SEC23B: variants seen among roughly 807,000 people sequenced by gnomAD.
The protein encoded by SEC23B is protein transport protein Sec23B.
A neutral mutation model predicts 104.3 loss-of-function variants in SEC23B; 77 were observed. The observed-to-expected ratio is 0.74, with a 90% CI of 0.61 to 0.89. SEC23B has a LOEUF of 0.89. SEC23B is among the 40% of genes least tolerant of loss of function. SEC23B has a pLI of 0.00. For missense variants in SEC23B, 885 were observed against 949.4 expected (o/e 0.93, Z 0.89); for synonymous variants, 338 against 332.5 (o/e 1.02, Z -0.18).
intron 4 of SEC23B, among the ~76,000 whole-genome samples, chr20:18,523,525 C>T (rs1016720967): frequency 6.6e-6 from 1 of 151,354 alleles, no homozygotes; most frequent in African/African-American, 2.4e-5. Flanking sequence ...GCCTCAGCCT[C>T]CCAAGTAGCT....
intron 4 of SEC23B, 88 bp downstream of exon 4, chr20:18,515,824 A>T: frequency 1.1e-6 from 1 of 872,568 alleles, no homozygotes. Flanking sequence ...TTACCTGGGC[A>T]GGGGACTTAA....
At chr20:18,555,390 C>T (rs1363584399) in intron 19 of SEC23B, among the ~76,000 whole-genome samples, 1 of 152,022 alleles carries the variant, frequency 6.6e-6, no homozygotes, top group Non-Finnish European at 1.5e-5. Context: ...CCACAATATA[C>T]AGCAGAACAT....
intron 12 of SEC23B, among the ~76,000 whole-genome samples, chr20:18,538,792 A>G (rs1250483367): frequency 1.3e-5 from 2 of 152,172 alleles, no homozygotes; most frequent in Non-Finnish European, 2.9e-5. Context: ...AGTAGATTCC[A>G]TCTCAACAAA....
chr20:18,532,561 A>C (rs765111244), intron 10 of SEC23B, 103 bp from the exon 11 acceptor site: 26 of 869,880 alleles, frequency 3.0e-5, no homozygotes, highest in Non-Finnish European at 5.2e-5. Flanking sequence ...TCTTGGCAGA[A>C]TAGTAGTGTT....
chr20:18,560,374 T>A (rs552055327), intron 19 of SEC23B, among the ~76,000 whole-genome samples: 16 of 152,244 alleles, frequency 1.1e-4, no homozygotes, highest in African/African-American at 3.6e-4. Flanking sequence ...CCTGGGTACT[T>A]CATCAGGACT....
In SEC23B at chr20:18,551,143, A is replaced by G. The variant is rs1438447617; in HGVS notation, c.1960A>G (p.Thr654Ala). The change falls in exon 17 of 20, where the codon ACT becomes GCT. Residue 654 changes from threonine (T) to alanine (A), a missense_variant. Thr to Ala is a moderately conservative substitution (Grantham distance 58). Coordinates refer to ENST00000650089, the MANE Select transcript of SEC23B (RefSeq NM_006363.6). ...ILADRILLMD[T>A]FFQIVIYLGE... ...AGCTGACAGAATTTTGCTGATGGATACTTTCTTTCAAATTGTCATTTATCT... is the reference window on the plus strand; with the variant it reads ...AGCTGACAGAATTTTGCTGATGGATGCTTTCTTTCAAATTGTCATTTATCT... 2 of 1,598,464 alleles carry G rather than the reference A, an allele frequency of 1.3e-6. No homozygotes were observed. The highest frequency in any genetic ancestry group is 1.7e-5 in the Admixed American group (1 of 59,998).
chr20:18,512,096 C>A, intron 2 of SEC23B, 129 bp from the exon 3 acceptor site: 1 of 634,164 alleles, frequency 1.6e-6, no homozygotes, highest in Non-Finnish European at 2.8e-6. Context: ...TATGCATACA[C>A]ATAGAAACAC....
intron 1 of SEC23B, among the ~76,000 whole-genome samples, chr20:18,509,317 C>T (rs2059960770): frequency 6.6e-6 from 1 of 152,094 alleles, no homozygotes; most frequent in Non-Finnish European, 1.5e-5. Context: ...ATATTATTGC[C>T]TTAATCAAAA....
intron 9 of SEC23B, among the ~76,000 whole-genome samples, chr20:18,530,056 T>C (rs1319270394): frequency 1.3e-5 from 2 of 152,142 alleles, no homozygotes; most frequent in African/African-American, 4.8e-5. Flanking sequence ...GAATTCAGTA[T>C]TTTGAGGCAG....
At chr20:18,509,520 TATAA>T (rs1228437013) in intron 1 of SEC23B, 1 of 152,190 alleles carries the variant, frequency 6.6e-6, no homozygotes, top group Non-Finnish European at 1.5e-5. Flanking sequence ...GAACAGGATG[TATAA>T]ATACTCAATG....
rs567680747 is a variant in SEC23B, at chr20:18,537,343, A to T, written c.1404+1601A>T. Among the ~76,000 whole-genome samples the T allele has an allele frequency of 2.6e-5, 4 of 152,212 alleles. No homozygotes were observed. The East Asian group carries it at 7.7e-4, about 29-fold the overall frequency. On this transcript the variant is annotated intron_variant, in intron 12 of 19. Coordinates refer to ENST00000650089, the MANE Select transcript of SEC23B (RefSeq NM_006363.6). ...TAGTAAAGACTTGGAACCAACCCAAATGTCCAACAATGATAGACTGGATTA... is the reference window on the plus strand; with the variant it reads ...TAGTAAAGACTTGGAACCAACCCAATTGTCCAACAATGATAGACTGGATTA...
At chr20:18,529,478 TA>T (rs1020721291) in intron 9 of SEC23B, among the ~76,000 whole-genome samples, 3 of 152,194 alleles carry the variant, frequency 2.0e-5, no homozygotes, top group Admixed American at 6.5e-5. Context: ...AAACCCACAA[TA>T]AGTTTATTTC....
chr20:18,543,111 G>T lies in SEC23B; in HGVS notation c.1604G>T (p.Arg535Leu), dbSNP rs377313915. Reference protein sequence around the residue: ...AVLMARLGVFRAESEEGPDVL... With the variant: ...AVLMARLGVFLAESEEGPDVL... ...TTGATGGCACGGCTTGGGGTGTTCCGAGCGGAGTCAGAGGAGGGGCCCGAT... is the reference window on the plus strand; with the variant it reads ...TTGATGGCACGGCTTGGGGTGTTCCTAGCGGAGTCAGAGGAGGGGCCCGAT... Residue 535 changes from arginine to leucine, a missense_variant, in exon 14 of 20, where the codon CGA becomes CTA. Transcript: ENST00000650089. 5 of 1,614,048 alleles carry T rather than the reference G, an allele frequency of 3.1e-6. No individual in the cohort carries two copies. The African/African-American group carries it at 5.3e-5, about 17-fold the overall frequency.
Position 18,554,963 on chromosome 20 carries a change from AAAACAATTCTAATT to A in SEC23B, c.2149-143_2149-130del. The A allele has an allele frequency of 2.5e-4, 18 of 72,488 alleles. 7 individuals are homozygous for A. Among genetic ancestry groups the A allele is most frequent in the Middle Eastern group, 6.5e-3 (2 of 310 alleles). 4.5% of individuals were successfully genotyped at this position (72,488 alleles called of 1,614,324 possible). On this transcript the variant is annotated intron_variant, in intron 18 of 19. Coordinates refer to ENST00000650089, the MANE Select transcript of SEC23B (RefSeq NM_006363.6). The stretch of plus-strand genomic sequence containing the variant: ...CTAAAGAAATAGATTACTGTGCAGT[AAAACAATTCTAATT>A]AGATTACTGTGCAGTAAAACAATTC...
chr20:18,532,670 CG>C lies in SEC23B; in HGVS notation c.1243del (p.Glu415AsnfsTer2). The C allele has an allele frequency of 1.9e-6, 3 of 1,612,176 alleles. No individual in the cohort carries two copies. Among genetic ancestry groups the C allele is most frequent in the Non-Finnish European group, 2.5e-6 (3 of 1,178,264 alleles). ...FGATLDVKTS[R>X]ELKIAGAIGP... is the part of the protein sequence containing the mutation. Reference sequence around the variant, plus strand: ...TGTCACATATTTGTTATAGACCTCTCGGGAACTGAAGATTGCAGGAGCCATT... The same window carrying C: ...TGTCACATATTTGTTATAGACCTCTCGGAACTGAAGATTGCAGGAGCCATT... On this transcript the variant is annotated frameshift_variant, in exon 11 of 20. Coordinates refer to ENST00000650089, the MANE Select transcript of SEC23B (RefSeq NM_006363.6). LOFTEE classifies it high-confidence loss of function.
At position 18,518,582 on chromosome 20, in the gene SEC23B, G is replaced by GTTTTTTTTTTTTTT. The variant is rs57231166; in HGVS notation, c.366+2856_366+2869dup. Among the ~76,000 whole-genome samples, 10 of 92,664 alleles carry GTTTTTTTTTTTTTT rather than the reference G, an allele frequency of 1.1e-4. 1 individual carries two copies. The highest frequency in any genetic ancestry group is 3.9e-4 in the East Asian group (1 of 2,544). 60.8% of individuals were successfully genotyped at this position (92,664 alleles called of 152,430 possible). A position where few individuals can be genotyped will look rare whatever the true frequency, so the allele number is the denominator to read the frequency against. On this transcript the variant is annotated intron_variant, in intron 4 of 19. Coordinates refer to ENST00000650089, the MANE Select transcript of SEC23B (RefSeq NM_006363.6). ...AATGGGCCTGTGAGGCTGGAAGGAG[G>GTTTTTTTTTTTTTT]TTTTTTTTTTTTTTTTTTTTTTTGT...
Position 18,525,890 on chromosome 20 carries a change from AT to A in SEC23B, c.793del (p.Ser265ProfsTer44). The A allele has an allele frequency of 6.2e-7, 1 of 1,614,192 alleles. No individual in the cohort carries two copies. The highest frequency in any genetic ancestry group is 8.5e-7 in the Non-Finnish European group (1 of 1,180,034). On this transcript the variant is annotated frameshift_variant, in exon 7 of 20. Transcript: ENST00000650089. LOFTEE classifies it high-confidence loss of function. ...TAACTCAGGGGAAGAGACCTTTGCG[AT>A]CCACTGGTGTGGCTTTGTCCATTGC... ...PVTQGKRPLRSTGVALSIAVG... is the reference protein window; with the variant it reads ...PVTQGKRPLRXTGVALSIAVG...
chr20:18,530,377 G>A (rs556015074), intron 9 of SEC23B, among the ~76,000 whole-genome samples: 120 of 152,070 alleles, frequency 7.9e-4, no homozygotes, highest in African/African-American at 2.9e-3. Flanking sequence ...TCAGCCTCCT[G>A]AGTAGCTGGG....
intron 10 of SEC23B, among the ~76,000 whole-genome samples, chr20:18,531,885 A>C (rs978783489): frequency 1.7e-5 from 2 of 115,560 alleles, no homozygotes; most frequent in Non-Finnish European, 4.0e-5. Context: ...CCCTGTGTCT[A>C]CAAATGATTT....
Sources: gnomAD v4.1 joint callset for allele counts (sites outside exome capture counted in the v4.1 genomes callset) on GRCh38, gnomAD v4.1.1 for gene constraint, MANE v1.5 for transcripts, NCBI Gene and HGNC (gene_info 2026-07-23, HGNC 2026-07-21) for gene names.